The following GCSAM variants were observed in gnomAD, a reference collection of about 807,000 sequenced individuals.
The protein encoded by GCSAM is germinal center associated signaling and motility, also known as germinal center-associated signaling and motility protein.
Under a neutral mutation model 17.6 loss-of-function variants are expected in GCSAM, and 8 were observed. The ratio of observed to expected loss-of-function variants is 0.46; its 90% CI spans 0.27 to 0.82. GCSAM has a LOEUF of 0.82. Among genes scored for constraint, GCSAM ranks in the 40% least tolerant of loss-of-function variants. The pLI, the probability that GCSAM is intolerant of heterozygous loss-of-function variation, is 0.15. For synonymous variants in GCSAM, 68 were observed against 69.0 expected, an observed-to-expected ratio of 0.98 and a Z score of 0.07; for missense variants, 192 against 213.5, an observed-to-expected ratio of 0.90 and a Z score of 0.63.
At chr3:112,124,491 C>T (rs2074266149) in intron 5 of GCSAM, among the ~76,000 whole-genome samples, 1 of 152,114 alleles carries the variant, frequency 6.6e-6, no homozygotes. Context: ...CACCTGCAAT[C>T]CCAGCTACTG....
intron 2 of GCSAM, chr3:112,130,021 A>G (rs1017005206): frequency 3.5e-5 from 6 of 169,408 alleles, no homozygotes; most frequent in African/African-American, 7.1e-5. Context: ...GGCAATCACA[A>G]TGGTGTCTCC....
Position 112,123,181 on chromosome 3 carries a change from G to T in GCSAM, c.*274C>A. 2.1e-6 allele frequency: 1 copy of T among 485,028 alleles called. No individual in the cohort carries two copies. Among genetic ancestry groups the T allele is most frequent in the Non-Finnish European group, 3.7e-6 (1 of 271,628 alleles). 30.0% of individuals were successfully genotyped at this position (485,028 alleles called of 1,614,324 possible). ...GGTGTGCATAGCTTTAGGGGAATCA[G>T]GGAGCCCCTCCTACCACTATACTCT... On this transcript the variant is annotated 3_prime_UTR_variant, in exon 6 of 6. Transcript: ENST00000308910.
chr3:112,130,307 G>A, intron 2 of GCSAM, 138 bp downstream of exon 2: 1 of 735,242 alleles, frequency 1.4e-6, no homozygotes, highest in Non-Finnish European at 2.4e-6. Flanking sequence ...CTTTTGTCCT[G>A]TCTTCACATT....
At chr3:112,125,698 AT>A (rs1265277893) in intron 4 of GCSAM, among the ~76,000 whole-genome samples, 2 of 152,228 alleles carry the variant, frequency 1.3e-5, no homozygotes, top group Non-Finnish European at 2.9e-5. Context: ...GCTCTGAGAG[AT>A]CCACACTGTG....
At chr3:112,132,320 C>T (rs1172900548) in intron 1 of GCSAM, among the ~76,000 whole-genome samples, 1 of 152,098 alleles carries the variant, frequency 6.6e-6, no homozygotes, top group Non-Finnish European at 1.5e-5. Context: ...CCAAACATAA[C>T]CCTGTGAAGA....
In GCSAM at chr3:112,131,466, G is replaced by A. The variant is rs957001211; in HGVS notation, c.30-953C>T. On this transcript the variant is annotated intron_variant, in intron 1 of 5. Transcript: ENST00000308910. ...CAATATATACAAGACTTTTGAATAC[G>A]TTAACGGAAACATTTTATTTAATTA... is the stretch of plus-strand genomic sequence containing the variant. 6.6e-5 allele frequency among the ~76,000 whole-genome samples: 10 copies of A among 152,082 alleles called. No homozygotes were observed. In the South Asian group the frequency reaches 1.0e-3, roughly 16 times the overall value.
rs545389093 is a variant in GCSAM, at chr3:112,129,186, A to C, written c.99-1125T>G. 2.6e-5 allele frequency: 4 copies of C among 152,364 alleles called. No homozygotes were observed. The South Asian group carries it at 8.3e-4, about 32-fold the overall frequency. The allele number at this position is 152,364 out of a possible 1,614,324, so 9.4% of individuals were successfully genotyped here. On this transcript the variant is annotated intron_variant, in intron 2 of 5. Coordinates refer to ENST00000308910, the MANE Select transcript of GCSAM (RefSeq NM_152785.5). Reference sequence around the variant, plus strand: ...TTGTTGCTAAGGAAACATCGTAAGAAAACTACTGAATCACACCAAGTTAAC... The same window carrying C: ...TTGTTGCTAAGGAAACATCGTAAGACAACTACTGAATCACACCAAGTTAAC...
intron 1 of GCSAM, chr3:112,132,658 C>T: frequency 1.0e-6 from 1 of 987,248 alleles, no homozygotes; most frequent in Non-Finnish European, 1.2e-6. Flanking sequence ...GAGTGCACAT[C>T]AAAGGAAGAC....
At chr3:112,128,308 C>G (rs1471418547) in intron 2 of GCSAM, 1 of 653,516 alleles carries the variant, frequency 1.5e-6, no homozygotes, top group Non-Finnish European at 2.8e-6. Flanking sequence ...AAAAATGTTT[C>G]CTCACTCTCA....
At chr3:112,131,637 CT>C (rs1415957516) in intron 1 of GCSAM, among the ~76,000 whole-genome samples, 15 of 152,068 alleles carry the variant, frequency 9.9e-5, no homozygotes, top group Non-Finnish European at 1.5e-5. Flanking sequence ...CAAGGGAGAC[CT>C]TTTAAATCAT....
chr3:112,132,975 C>A, intron 1 of GCSAM, 117 bp downstream of exon 1: 5 of 1,012,570 alleles, frequency 4.9e-6, no homozygotes, highest in South Asian at 1.6e-5. Flanking sequence ...GTTTCCTTAC[C>A]CAACTACTTT....
intron 2 of GCSAM, 139 bp from the exon 3 acceptor site, chr3:112,128,200 ATC>A: frequency 1.4e-6 from 1 of 738,468 alleles, no homozygotes; most frequent in Admixed American, 2.0e-5. Flanking sequence ...ACTTGGACAC[ATC>A]TCTCATGGTA....
At position 112,122,465 on chromosome 3, in the gene GCSAM, G is replaced by A. The variant is rs1428367105; in HGVS notation, c.*990C>T. 2 of 152,088 alleles carry A rather than the reference G, an allele frequency of 1.3e-5. No homozygotes were observed. Among genetic ancestry groups the A allele is most frequent in the Admixed American group, 1.3e-4 (2 of 15,264 alleles). The allele number at this position is 152,088 out of a possible 1,614,324, so 9.4% of individuals were successfully genotyped here. On this transcript the variant is annotated 3_prime_UTR_variant, in exon 6 of 6. Transcript: ENST00000308910. ...TAGATATAATTTGAGGAACACTAAG[G>A]AAAAGATAAGAGAAAGTAAATAATC... is the stretch of plus-strand genomic sequence containing the variant.
chr3:112,125,593 G>A (rs1411610758), intron 4 of GCSAM, among the ~76,000 whole-genome samples: 1 of 152,188 alleles, frequency 6.6e-6, no homozygotes. Context: ...CACAAATTCA[G>A]TGCCTCTGCA....
chr3:112,130,133 A>C (rs62280204), intron 2 of GCSAM: 58,723 of 308,062 alleles, frequency 0.19, 6,550 homozygotes, highest in Non-Finnish European at 0.24. Flanking sequence ...TTGAGCACAA[A>C]GGTACCTGAG....
In GCSAM at chr3:112,123,596, A is replaced by G; in HGVS notation, c.396T>C (p.His132=). 1.9e-6 allele frequency: 3 copies of G among 1,614,066 alleles called. No individual in the cohort carries two copies. Among genetic ancestry groups the G allele is most frequent in the Non-Finnish European group, 2.5e-6 (3 of 1,179,936 alleles). The change falls in exon 6 of 6, where the codon CAT becomes CAC. Residue 132 remains histidine, a synonymous_variant. Transcript: ENST00000308910. The part of the protein sequence containing the change: ...GGTETEYSLL[H]MPSTDPRHAR... ...CATGCCTGGGGTCTGTAGAAGGCAT[A>G]TGTAGAAGTGAATACTCAGTCTCAG...
chr3:112,128,073 A>G lies in GCSAM; in HGVS notation c.99-12T>C. 6 of 1,612,222 alleles carry G rather than the reference A, an allele frequency of 3.7e-6. No individual in the cohort carries two copies. The highest frequency in any genetic ancestry group is 5.1e-6 in the Non-Finnish European group (6 of 1,178,344). On this transcript the variant is annotated splice_polypyrimidine_tract_variant and intron_variant, in intron 2 of 5. Coordinates refer to ENST00000308910, the MANE Select transcript of GCSAM (RefSeq NM_152785.5). ...GGTGATCCCAGCATCTAAAATACCC[A>G]AGAGAGATGGCAAATCATAAGGTTG...
chr3:112,125,892 C>A (rs555695504), intron 4 of GCSAM, among the ~76,000 whole-genome samples: 21 of 152,210 alleles, frequency 1.4e-4, no homozygotes, highest in Non-Finnish European at 2.4e-4. Context: ...TGGCTCTGGC[C>A]ATTCAGCAAA....
chr3:112,125,481 G>C (rs1354170788), intron 4 of GCSAM, among the ~76,000 whole-genome samples: 1 of 152,110 alleles, frequency 6.6e-6, no homozygotes, highest in Non-Finnish European at 1.5e-5. Context: ...GACACATTTG[G>C]TTAGTCTTTG....
Sources: allele counts gnomAD v4.1 joint callset (sites outside exome capture counted in the v4.1 genomes callset), GRCh38; gene constraint gnomAD v4.1.1; transcripts MANE v1.5; gene names NCBI Gene and HGNC (gene_info 2026-07-23, HGNC 2026-07-21).